Variants in TLN2 observed in about 807,000 individuals in gnomAD.
TLN2 encodes talin-2.
TLN2 carries 118 observed loss-of-function variants against 294.7 expected under a neutral mutation model. The ratio of observed to expected loss-of-function variants is 0.40; its 90% CI spans 0.34 to 0.47. The LOEUF is 0.47. Ranked by LOEUF, TLN2 falls within the 20% of genes least tolerant of loss-of-function variation. TLN2 has a pLI of 0.84. For synonymous variants in TLN2, 1,431 were observed against 1,304.5 expected (o/e 1.10, Z -2.09); for missense variants, 3,083 against 3,282.2 (o/e 0.94, Z 1.48).
intron 32 of TLN2, among the ~76,000 whole-genome samples, chr15:62,743,191 A>G (rs1020199077): frequency 3.3e-5 from 5 of 152,150 alleles, no homozygotes; most frequent in African/African-American, 1.2e-4. Context: ...TGATCATCAT[A>G]GTCTCAGTCC....
At chr15:62,691,457 T>C (rs578078523) in intron 12 of TLN2, among the ~76,000 whole-genome samples, 1 of 152,368 alleles carries the variant, frequency 6.6e-6, no homozygotes, top group South Asian at 2.1e-4. Context: ...TTATGACTTC[T>C]GTTTCTTTGT....
intron 1 of TLN2, among the ~76,000 whole-genome samples, chr15:62,581,563 C>T (rs2045031935): frequency 6.6e-6 from 1 of 152,132 alleles, no homozygotes; most frequent in Non-Finnish European, 1.5e-5. Flanking sequence ...TCTTAGGGTT[C>T]AGGGATGAGG....
intron 1 of TLN2, among the ~76,000 whole-genome samples, chr15:62,535,954 C>T (rs949931235): frequency 6.6e-6 from 1 of 152,204 alleles, no homozygotes; most frequent in Non-Finnish European, 1.5e-5. Flanking sequence ...GTGACTGCTA[C>T]CGCTCTCAAC....
chr15:62,655,897 A>G (rs1397572366), intron 7 of TLN2, 47 bp from the exon 8 acceptor site: 1 of 1,605,686 alleles, frequency 6.2e-7, no homozygotes, highest in Middle Eastern at 1.7e-4. Flanking sequence ...CCTTTAATTA[A>G]CAGGAAAAAT....
At chr15:62,465,464 T>C (rs2037078808) in intron 1 of TLN2, among the ~76,000 whole-genome samples, 1 of 152,178 alleles carries the variant, frequency 6.6e-6, no homozygotes, top group South Asian at 2.1e-4. Context: ...ATATTCCTTT[T>C]CCTGAACGTG....
intron 12 of TLN2, chr15:62,687,949 A>G (rs2057430426): frequency 6.6e-6 from 1 of 152,218 alleles, no homozygotes; most frequent in African/African-American, 2.4e-5. Context: ...AAATCAAGAA[A>G]TCAATATAAA....
intron 2 of TLN2, among the ~76,000 whole-genome samples, chr15:62,600,838 G>A (rs976793376): frequency 2.6e-5 from 4 of 152,080 alleles, no homozygotes; most frequent in African/African-American, 4.8e-5. Context: ...TTCAGTATAT[G>A]TGTCAAATAG....
intron 1 of TLN2, among the ~76,000 whole-genome samples, chr15:62,526,310 A>G (rs2040737812): frequency 6.6e-6 from 1 of 152,094 alleles, no homozygotes; most frequent in Non-Finnish European, 1.5e-5. Context: ...TTGTATTTTT[A>G]GTAGAGATGG....
intron 2 of TLN2, among the ~76,000 whole-genome samples, chr15:62,616,288 T>C (rs898058417): frequency 3.3e-5 from 5 of 152,214 alleles, no homozygotes; most frequent in Admixed American, 3.3e-4. Context: ...CTGTATATGC[T>C]CTTATGTCAT....
At chr15:62,718,838 C>T (rs2059947498) in intron 24 of TLN2, among the ~76,000 whole-genome samples, 1 of 152,154 alleles carries the variant, frequency 6.6e-6, no homozygotes, top group Admixed American at 6.5e-5. Context: ...TGCAGAGAGA[C>T]TGAAGATACT....
In TLN2 at chr15:62,673,929, C is replaced by T. The variant is rs754629547; in HGVS notation, c.852+39C>T. The stretch of plus-strand genomic sequence containing the variant: ...ACAGAACTTTATTATTCTCCTCACT[C>T]CCCATCCTCATTTATTAGTGTGAGG... On this transcript the variant is annotated intron_variant, in intron 10 of 58. Coordinates refer to ENST00000636159, the MANE Select transcript of TLN2 (RefSeq NM_015059.3). The T allele has an allele frequency of 2.2e-5, 34 of 1,540,264 alleles. No individual in the cohort carries two copies. The African/African-American group carries it at 3.3e-4, about 15-fold the overall frequency.
Position 62,784,953 on chromosome 15 carries a change from GAGAGATATTCC to G in TLN2, c.5736+1067_5736+1077del, listed in dbSNP as rs1032395992. ...CTAAGTATGTTTTTACAGAGACTCC[GAGAGATATTCC>G]AGAAATGAAGTCCCAAAACAAATCA... On this transcript the variant is annotated intron_variant, in intron 45 of 58. Coordinates refer to ENST00000636159, the MANE Select transcript of TLN2 (RefSeq NM_015059.3). 5.6e-4 allele frequency: 85 copies of G among 152,256 alleles called. 2 individuals are homozygous for G. The highest frequency in any genetic ancestry group is 2.0e-3 in the African/African-American group (83 of 41,544). 9.4% of individuals were successfully genotyped at this position (152,256 alleles called of 1,614,324 possible).
chr15:62,549,480 G>GCATCCATCCATCCATCCATC (rs58665636), intron 1 of TLN2, among the ~76,000 whole-genome samples: 2,575 of 147,832 alleles, frequency 0.017, 48 homozygotes, highest in African/African-American at 0.031. Flanking sequence ...TGCATGCCAT[G>GCATCCATCCATCCATCCATC]CATCCATCCA....
rs1252446922 is a variant in TLN2, at chr15:62,564,919, A to ATATATAT, written c.-237-24768_-237-24767insTATATAT. ...AAACTCCATCTCAAAAAAAAAAAAA[A>ATATATAT]AAAAAAATATATATATATATATACT... is the stretch of plus-strand genomic sequence containing the variant. On this transcript the variant is annotated intron_variant, in intron 1 of 58. Coordinates refer to ENST00000636159, the MANE Select transcript of TLN2 (RefSeq NM_015059.3). 4.3e-3 allele frequency among the ~76,000 whole-genome samples: 480 copies of ATATATAT among 112,088 alleles called. 1 individual carries two copies. The highest frequency in any genetic ancestry group is 7.4e-3 in the African/African-American group (204 of 27,658). The allele number at this position is 112,088 out of a possible 152,430, so 73.5% of individuals were successfully genotyped here. A position where few individuals can be genotyped will look rare whatever the true frequency, so the allele number is the denominator to read the frequency against.
At chr15:62,411,984 A>G (rs543518465) in intron 1 of TLN2, among the ~76,000 whole-genome samples, 1 of 152,332 alleles carries the variant, frequency 6.6e-6, no homozygotes, top group East Asian at 1.9e-4. Flanking sequence ...AAGTAAATTT[A>G]CACAGCTCGC....
intron 1 of TLN2, among the ~76,000 whole-genome samples, chr15:62,520,732 T>A (rs1001554240): frequency 2.0e-5 from 3 of 152,224 alleles, no homozygotes; most frequent in Non-Finnish European, 4.4e-5. Context: ...CAGTATTACT[T>A]ACTTAATAGT....
At chr15:62,556,377 G>T (rs1398987142) in intron 1 of TLN2, among the ~76,000 whole-genome samples, 1 of 151,766 alleles carries the variant, frequency 6.6e-6, no homozygotes, top group Non-Finnish European at 1.5e-5. Flanking sequence ...CACGATCAGG[G>T]CTCACCGCAG....
At chr15:62,794,336 A>G (rs1233924360) in intron 46 of TLN2, among the ~76,000 whole-genome samples, 1 of 152,092 alleles carries the variant, frequency 6.6e-6, no homozygotes, top group Non-Finnish European at 1.5e-5. Flanking sequence ...ATATGCCTTG[A>G]TGGTGTGTAT....
chr15:62,416,806 C>G (rs934779250), intron 1 of TLN2, among the ~76,000 whole-genome samples: 1 of 152,158 alleles, frequency 6.6e-6, no homozygotes, highest in African/African-American at 2.4e-5. Flanking sequence ...GAAGACCGGG[C>G]TCTGCCTGCA....
Sources: allele counts gnomAD v4.1 joint callset (sites outside exome capture counted in the v4.1 genomes callset), GRCh38; gene constraint gnomAD v4.1.1; transcripts MANE v1.5; gene names NCBI Gene and HGNC (gene_info 2026-07-23, HGNC 2026-07-21).